Variants in OR10J1 observed in about 807,000 individuals in gnomAD.
The protein encoded by OR10J1 is olfactory receptor family 10 subfamily J member 1, also known as olfactory receptor 10J1.
For missense variants in OR10J1, 474 were observed against 376.6 expected, an observed-to-expected ratio of 1.26 and a Z score of -2.14; for synonymous variants, 202 against 143.8, an observed-to-expected ratio of 1.40 and a Z score of -2.89.
the OR10J1 span, among the ~76,000 whole-genome samples, chr1:159,420,907 T>C: frequency 2.0e-5 from 3 of 152,226 alleles, no homozygotes; most frequent in South Asian, 6.2e-4. Context: ...TATTTGTGAA[T>C]CTTTGAGACT....
the OR10J1 span, among the ~76,000 whole-genome samples, chr1:159,431,793 C>T: frequency 2.6e-5 from 4 of 152,074 alleles, no homozygotes; most frequent in Admixed American, 2.6e-4. Flanking sequence ...AGGTGATTTG[C>T]CCAGTTGTAG....
upstream of OR10J1, among the ~76,000 whole-genome samples, chr1:159,433,830 A>G (rs1655659205): frequency 6.6e-6 from 1 of 152,174 alleles, no homozygotes; most frequent in African/African-American, 2.4e-5. Context: ...CTCTTTTTGC[A>G]TCTGTTGCAT....
At chr1:159,422,765 A>C in the OR10J1 span, among the ~76,000 whole-genome samples, 1 of 152,164 alleles carries the variant, frequency 6.6e-6, no homozygotes, top group African/African-American at 2.4e-5. Context: ...TTCGAACCTT[A>C]CTAGGGTTGA....
chr1:159,427,416 A>G, the OR10J1 span, among the ~76,000 whole-genome samples: 1 of 151,892 alleles, frequency 6.6e-6, no homozygotes, highest in Admixed American at 6.6e-5. Context: ...AACAGCCATG[A>G]TCAACAAAAA....
upstream of OR10J1, chr1:159,439,707 A>G: frequency 6.4e-7 from 1 of 1,551,258 alleles, no homozygotes; most frequent in Admixed American, 1.7e-5. Context: ...ATTGAACTTC[A>G]ATCAATTTCA....
chr1:159,418,981 C>T, the OR10J1 span, among the ~76,000 whole-genome samples: 33 of 152,126 alleles, frequency 2.2e-4, 1 homozygote, highest in Admixed American at 2.1e-3. Flanking sequence ...CCTGTAGCCC[C>T]TTCATTTTGG....
At chr1:159,401,593 A>T in the OR10J1 span, among the ~76,000 whole-genome samples, 1 of 152,044 alleles carries the variant, frequency 6.6e-6, no homozygotes, top group Non-Finnish European at 1.5e-5. Context: ...AAGTAATGAG[A>T]TTGAAGCCAT....
chr1:159,424,680 C>G, the OR10J1 span, among the ~76,000 whole-genome samples: 1 of 151,598 alleles, frequency 6.6e-6, no homozygotes, highest in Non-Finnish European at 1.5e-5. Context: ...TTTGAGGAAG[C>G]CTTCTAGAAA....
At chr1:159,399,161 A>G in the OR10J1 span, among the ~76,000 whole-genome samples, 1 of 152,188 alleles carries the variant, frequency 6.6e-6, no homozygotes, top group South Asian at 2.1e-4. Flanking sequence ...AGAAAAAAAA[A>G]ACTGTTAAGT....
At chr1:159,399,085 C>T in the OR10J1 span, among the ~76,000 whole-genome samples, 6 of 151,722 alleles carry the variant, frequency 4.0e-5, no homozygotes, top group African/African-American at 1.5e-4. Flanking sequence ...CTACATCTGG[C>T]AGTGGACTTC....
chr1:159,440,612 C>T lies in OR10J1; in HGVS notation c.821C>T (p.Ser274Leu), dbSNP rs144480627. ...ACCAGAGAACATGACCAGCTGATCTCGGTGACCTACACTGTCATCACTCCC... is the reference window on the plus strand; with the variant it reads ...ACCAGAGAACATGACCAGCTGATCTTGGTGACCTACACTGTCATCACTCCC... The part of the protein sequence containing the change: ...ENTREHDQLI[S>L]VTYTVITPLL... The change falls in exon 1 of 1, where the codon TCG becomes TTG. Residue 274 changes from serine to leucine, a missense_variant. Physicochemically the swap from Ser to Leu is moderately radical, Grantham distance 145 (BLOSUM62 -2). Coordinates refer to ENST00000423932, the MANE Select transcript of OR10J1 (RefSeq NM_012351.3). 2.8e-4 allele frequency: 452 copies of T among 1,613,896 alleles called. 2 individuals carry two copies. The highest frequency in any genetic ancestry group is 2.4e-3 in the African/African-American group (179 of 74,994).
At chr1:159,439,609 A>G (rs947885975), upstream of OR10J1, 17 of 702,388 alleles carry the variant, frequency 2.4e-5, no homozygotes, top group Non-Finnish European at 3.8e-5. Flanking sequence ...ATGGTCACAG[A>G]GTAAAAATAT....
rs139843472 is a variant in OR10J1 at position 159,440,212 on chromosome 1, C to A, written c.421C>A (p.Arg141Ser). 3.0e-5 allele frequency: 48 copies of A among 1,614,016 alleles called. No homozygotes were observed. The highest frequency in any genetic ancestry group is 4.1e-5 in the Non-Finnish European group (48 of 1,180,020). The stretch of plus-strand genomic sequence containing the variant: ...CATGGTTATTATGAACAAGAGGCTG[C>A]GTATCCAACTTGTCCTGGGGGCCTG... ...RYMVIMNKRL[R>S]IQLVLGACSI... The change falls in exon 1 of 1, where the codon CGT (arginine) becomes AGT (serine). Residue 141 changes from arginine (R) to serine (S), a missense_variant. Transcript: ENST00000423932.
chr1:159,440,892 T>A lies in OR10J1; in HGVS notation c.*171T>A. ...TGAAGCTTTAAATAAAGTTACTGGATGGAGTGTTATCCCTATTTTTGGGGA... is the reference window on the plus strand; with the variant it reads ...TGAAGCTTTAAATAAAGTTACTGGAAGGAGTGTTATCCCTATTTTTGGGGA... On this transcript the variant is annotated 3_prime_UTR_variant, in exon 1 of 1. Coordinates refer to ENST00000423932, the MANE Select transcript of OR10J1 (RefSeq NM_012351.3). The A allele has an allele frequency of 1.6e-6, 1 of 643,164 alleles. No individual in the cohort carries two copies. The highest frequency in any genetic ancestry group is 2.7e-5 in the East Asian group (1 of 36,612). 39.8% of individuals were successfully genotyped at this position (643,164 alleles called of 1,614,324 possible).
At chr1:159,430,606 A>G in the OR10J1 span, among the ~76,000 whole-genome samples, 1 of 151,820 alleles carries the variant, frequency 6.6e-6, no homozygotes, top group Non-Finnish European at 1.5e-5. Context: ...ACCATCCATG[A>G]ACATGAAAAA....
Position 159,440,018 on chromosome 1 carries a change from T to C in OR10J1, c.227T>C (p.Val76Ala), listed in dbSNP as rs1655876687. 2.5e-6 allele frequency: 4 copies of C among 1,614,148 alleles called. No homozygotes were observed. Among genetic ancestry groups the C allele is most frequent in the South Asian group, 1.1e-5 (1 of 91,084 alleles). The change falls in exon 1 of 1, where the codon GTC becomes GCC. Residue 76 changes from valine (V) to alanine (A), a missense_variant. Coordinates refer to ENST00000423932, the MANE Select transcript of OR10J1 (RefSeq NM_012351.3). ...ACTTCAGAGACTGTATATACATTGG[T>C]CATTCTCCCAAGAATGCTCTCCAGC... is the stretch of plus-strand genomic sequence containing the variant. Reference protein sequence around the residue: ...LSTSETVYTLVILPRMLSSLV... With the variant: ...LSTSETVYTLAILPRMLSSLV...
chr1:159,412,610 G>A, the OR10J1 span, among the ~76,000 whole-genome samples: 3 of 150,686 alleles, frequency 2.0e-5, no homozygotes, highest in Non-Finnish European at 4.4e-5. Context: ...TTAATAAATG[G>A]TGCTGGGAAA....
the OR10J1 span, among the ~76,000 whole-genome samples, chr1:159,430,943 A>T: frequency 1.3e-5 from 2 of 152,136 alleles, no homozygotes; most frequent in Non-Finnish European, 2.9e-5. Flanking sequence ...CTCCATTTAC[A>T]CTGGGGTTAA....
At chr1:159,428,463 T>C in the OR10J1 span, among the ~76,000 whole-genome samples, 2 of 152,138 alleles carry the variant, frequency 1.3e-5, no homozygotes, top group Admixed American at 1.3e-4. Context: ...CTATTTCTAA[T>C]TTCAAAGAGC....
Sources: allele counts gnomAD v4.1 joint callset (sites outside exome capture counted in the v4.1 genomes callset), GRCh38; gene constraint gnomAD v4.1.1; transcripts MANE v1.5; gene names NCBI Gene and HGNC (gene_info 2026-07-23, HGNC 2026-07-21).